The following USP34 variants were observed in gnomAD, a reference collection of about 807,000 sequenced individuals.
USP34 encodes ubiquitin carboxyl-terminal hydrolase 34.
Under a neutral mutation model 460.3 loss-of-function variants are expected in USP34, and 70 were observed. That is an observed-to-expected ratio of 0.15 (90% CI 0.13 to 0.19). The LOEUF (loss-of-function observed/expected upper bound fraction) is 0.19, where lower values mean the gene tolerates loss of function less well. USP34 is among the 10% of genes least tolerant of loss of function. The pLI is 1.00. For synonymous variants in USP34, 1,647 were observed against 1,405.3 expected, an observed-to-expected ratio of 1.17 and a Z score of -3.85; for missense variants, 3,985 against 4,236.2, an observed-to-expected ratio of 0.94 and a Z score of 1.65.
chr2:61,234,307 G>C (rs971232714), intron 57 of USP34, among the ~76,000 whole-genome samples: 9 of 152,270 alleles, frequency 5.9e-5, no homozygotes, highest in African/African-American at 1.2e-4. Context: ...CTGTTAATTC[G>C]TAAGACTTGC....
chr2:61,465,369 T>A (rs148862761), intron 1 of USP34, among the ~76,000 whole-genome samples: 3 of 152,300 alleles, frequency 2.0e-5, no homozygotes, highest in African/African-American at 7.2e-5. Flanking sequence ...ACTAATAATA[T>A]TAATACTCTC....
chr2:61,401,928 G>A (rs1042887168), intron 3 of USP34, among the ~76,000 whole-genome samples: 2 of 150,534 alleles, frequency 1.3e-5, no homozygotes, highest in African/African-American at 4.9e-5. Context: ...TGATTTCACA[G>A]AATTACACAT....
chr2:61,349,150 T>C (rs1691863026), intron 13 of USP34, 100 bp downstream of exon 13: 11 of 1,397,238 alleles, frequency 7.9e-6, no homozygotes, highest in Non-Finnish European at 1.1e-5. Flanking sequence ...ATGAACTTTA[T>C]GACTGATACA....
intron 10 of USP34, among the ~76,000 whole-genome samples, chr2:61,354,652 G>A (rs1024242084): frequency 6.6e-6 from 1 of 152,166 alleles, no homozygotes; most frequent in South Asian, 2.1e-4. Context: ...AGCCTGAGCC[G>A]AAAAGAGTAG....
At chr2:61,206,216 G>C (rs1377339935) in intron 71 of USP34, 92 bp from the exon 72 acceptor site, 5 of 1,056,148 alleles carry the variant, frequency 4.7e-6, no homozygotes, top group Non-Finnish European at 7.1e-6. Context: ...GCTAATGCTA[G>C]AAATTCAGGT....
intron 72 of USP34, 106 bp from the exon 73 acceptor site, chr2:61,204,707 G>A: frequency 1.1e-6 from 1 of 870,610 alleles, no homozygotes; most frequent in Non-Finnish European, 1.8e-6. Context: ...CCAGTTTAAT[G>A]AGTCTAAAAC....
chr2:61,360,874 C>G (rs1692255408), intron 10 of USP34, among the ~76,000 whole-genome samples: 1 of 152,184 alleles, frequency 6.6e-6, no homozygotes, highest in African/African-American at 2.4e-5. Context: ...TCAGGCTAGT[C>G]TCGAACTTCT....
intron 1 of USP34, among the ~76,000 whole-genome samples, chr2:61,469,210 GA>G (rs983230159): frequency 3.4e-5 from 5 of 147,114 alleles, no homozygotes; most frequent in East Asian, 2.0e-4. Context: ...TCTGTCTCAA[GA>G]AAAAAAAAAG....
At chr2:61,374,238 A>G (rs1431504327) in intron 8 of USP34, among the ~76,000 whole-genome samples, 2 of 151,786 alleles carry the variant, frequency 1.3e-5, no homozygotes, top group African/African-American at 2.4e-5. Context: ...CCTTATGCCT[A>G]AACAAGTGTT....
intron 76 of USP34, chr2:61,190,910 A>G: frequency 2.9e-6 from 1 of 343,790 alleles, no homozygotes; most frequent in South Asian, 4.7e-5. Flanking sequence ...AAACTGAACA[A>G]ATGTTTTAAA....
intron 3 of USP34, among the ~76,000 whole-genome samples, chr2:61,401,533 T>C (rs572174281): frequency 1.4e-5 from 2 of 142,892 alleles, no homozygotes; most frequent in African/African-American, 5.1e-5. Context: ...CCACTGTACC[T>C]GGCCCTATTT....
rs376116349 is a variant in USP34, at chr2:61,203,223, A to T, written c.9425T>A (p.Phe3142Tyr). ...ATGGATGAACTGATGATAAGAAAAG[A>T]AGTAGTCTAGCAGCATACGATCATA... ...DVYDRMLLDY[F>Y]FSYHQFIHLL... is the part of the protein sequence containing the mutation. Residue 3142 changes from phenylalanine to tyrosine, a missense_variant, in exon 75 of 80, where the codon TTC (phenylalanine) becomes TAC (tyrosine). Physicochemically the swap from Phe to Tyr is conservative, Grantham distance 22 (BLOSUM62 3). This residue lies in a region of USP34 where 28 missense variants were observed against 36.8 expected (regional missense o/e 0.76). Transcript: ENST00000398571. The T allele has an allele frequency of 4.2e-5, 68 of 1,603,024 alleles. No individual in the cohort carries two copies. Among genetic ancestry groups the T allele is most frequent in the Middle Eastern group, 1.7e-4 (1 of 6,058 alleles).
intron 10 of USP34, among the ~76,000 whole-genome samples, chr2:61,356,490 CACACACACAT>C (rs1323829089): frequency 4.8e-5 from 7 of 146,844 alleles, no homozygotes; most frequent in South Asian, 2.3e-4. Context: ...CACACACACA[CACACACACAT>C]ACACACACAC....
chr2:61,413,219 C>A (rs1052821036), intron 2 of USP34, among the ~76,000 whole-genome samples: 1 of 151,856 alleles, frequency 6.6e-6, no homozygotes, highest in African/African-American at 2.4e-5. Flanking sequence ...CACGGTGAAA[C>A]CCTGACTCTA....
chr2:61,198,463 C>G (rs1316217531), intron 75 of USP34, among the ~76,000 whole-genome samples: 1 of 152,112 alleles, frequency 6.6e-6, no homozygotes, highest in Non-Finnish European at 1.5e-5. Flanking sequence ...GCCAAATTGC[C>G]TCCCAAATGG....
chr2:61,298,678 G>C (rs1690119065), intron 29 of USP34, among the ~76,000 whole-genome samples: 1 of 150,470 alleles, frequency 6.6e-6, no homozygotes, highest in South Asian at 2.1e-4. Flanking sequence ...CACTGGTCCT[G>C]GTTTTCTCTA....
Position 61,370,431 on chromosome 2 carries a change from A to T in USP34, c.1159-18T>A. On this transcript the variant is annotated intron_variant, in intron 9 of 79. Coordinates refer to ENST00000398571, the MANE Select transcript of USP34 (RefSeq NM_014709.4). ...TTGATAATCTGGAAAAGAAAAACTT[A>T]ATATCAATTTTTAAAAATATTCTTC... is the stretch of plus-strand genomic sequence containing the variant. 6.2e-7 allele frequency: 1 copy of T among 1,613,490 alleles called. No individual in the cohort carries two copies. The highest frequency in any genetic ancestry group is 1.1e-5 in the South Asian group (1 of 90,888).
At chr2:61,391,836 G>A (rs1693356076) in intron 5 of USP34, among the ~76,000 whole-genome samples, 1 of 152,166 alleles carries the variant, frequency 6.6e-6, no homozygotes, top group Non-Finnish European at 1.5e-5. Flanking sequence ...TTAGCTTGCA[G>A]AGAGCCAATC....
intron 8 of USP34, 61 bp downstream of exon 8, chr2:61,378,302 C>T: frequency 2.4e-6 from 3 of 1,229,756 alleles, no homozygotes; most frequent in South Asian, 2.8e-5. Context: ...TTAGAATTTA[C>T]CATATAAACA....
Sources: allele counts gnomAD v4.1 joint callset (sites outside exome capture counted in the v4.1 genomes callset), GRCh38; gene constraint gnomAD v4.1.1; regional missense constraint gnomAD v4.1.1; transcripts MANE v1.5; gene names NCBI Gene and HGNC (gene_info 2026-07-23, HGNC 2026-07-21).